The following PGM3 variants were observed in gnomAD, a reference collection of about 807,000 sequenced individuals.
PGM3 encodes phosphoacetylglucosamine mutase.
Under a neutral mutation model 66.2 loss-of-function variants are expected in PGM3, and 40 were observed. The ratio of observed to expected loss-of-function variants is 0.60; its 90% CI spans 0.47 to 0.79. The LOEUF (loss-of-function observed/expected upper bound fraction) is 0.79, where lower values mean the gene tolerates loss of function less well. Ranked by LOEUF, PGM3 falls within the 30% of genes least tolerant of loss-of-function variation. The pLI is 0.00. For synonymous variants in PGM3, 191 were observed against 224.2 expected, an observed-to-expected ratio of 0.85 and a Z score of 1.32; for missense variants, 537 against 643.4, an observed-to-expected ratio of 0.83 and a Z score of 1.79.
At chr6:83,169,520 A>G in intron 12 of PGM3, 197 bp from the exon 13 acceptor site, 1 of 590,332 alleles carries the variant, frequency 1.7e-6, no homozygotes, top group South Asian at 2.1e-5. Flanking sequence ...AACAGACCAA[A>G]TTCTTCTAAA....
chr6:83,165,782 C>G lies in PGM3; in HGVS notation c.*3452G>C. 1 of 278,844 alleles carries G rather than the reference C, an allele frequency of 3.6e-6. No individual in the cohort carries two copies. The highest frequency in any genetic ancestry group is 7.3e-6 in the Non-Finnish European group (1 of 137,708). 17.3% of individuals were successfully genotyped at this position (278,844 alleles called of 1,614,324 possible). On this transcript the variant is annotated 3_prime_UTR_variant, in exon 13 of 13. Coordinates refer to ENST00000513973, the MANE Select transcript of PGM3 (RefSeq NM_015599.3). ...GAAGCGTTGGTTGTGCAACGTGCGG[C>G]CCAGTGTTGTCGTGAAAAGAATTGG...
At position 83,179,801 on chromosome 6, in the gene PGM3, C is replaced by T; in HGVS notation, c.945+9G>A. ...TTGTTTTAGAGGGTAGCCAATCCCCCCACCATACCTCCACCAGGAGCTCTT... is the reference window on the plus strand; with the variant it reads ...TTGTTTTAGAGGGTAGCCAATCCCCTCACCATACCTCCACCAGGAGCTCTT... On this transcript the variant is annotated intron_variant, in intron 7 of 12. Coordinates refer to ENST00000513973, the MANE Select transcript of PGM3 (RefSeq NM_015599.3). The T allele has an allele frequency of 1.9e-6, 3 of 1,602,692 alleles. No individual in the cohort carries two copies. Among genetic ancestry groups the T allele is most frequent in the Non-Finnish European group, 2.6e-6 (3 of 1,173,888 alleles).
the PGM3 span, chr6:83,154,328 AG>A: frequency 5.3e-4 from 653 of 1,236,118 alleles, no homozygotes; most frequent in Non-Finnish European, 6.9e-4. Context: ...GGAGACTAGG[AG>A]ACTACTGAAT....
chr6:83,158,691 G>C, downstream of PGM3: 1 of 1,025,284 alleles, frequency 9.8e-7, no homozygotes, highest in Non-Finnish European at 1.5e-6. Flanking sequence ...ATATTACTCA[G>C]CATCTAGGAG....
chr6:83,187,138 G>T, intron 3 of PGM3, 63 bp from the exon 4 acceptor site: 2 of 983,238 alleles, frequency 2.0e-6, no homozygotes, highest in Non-Finnish European at 3.2e-6. Flanking sequence ...TGCTGGTTCT[G>T]CAAGCAAATG....
At chr6:83,159,508 C>G (rs559709828), downstream of PGM3, among the ~76,000 whole-genome samples, 1 of 151,582 alleles carries the variant, frequency 6.6e-6, no homozygotes, top group Admixed American at 6.6e-5. Flanking sequence ...CCAGGCTGGT[C>G]TCAAATTCCT....
At chr6:83,152,038 C>T in the PGM3 span, 1 of 1,613,524 alleles carries the variant, frequency 6.2e-7, no homozygotes, top group Non-Finnish European at 8.5e-7. Flanking sequence ...GTATTCTTGT[C>T]AAACATTTAG....
rs1268519797 is a variant in PGM3, at chr6:83,182,922, C to G, written c.514G>C (p.Gly172Arg). ...ATAGTTGCCTTTCCATATCGGCCAC[C>G]CGTGTTTCGACAATACACCATGTAG... is the stretch of plus-strand genomic sequence containing the variant. ...LHYMVYCRNT[G>R]GRYGKATIEG... Residue 172 changes from glycine (G) to arginine (R), a missense_variant, in exon 5 of 13, where the codon GGT becomes CGT. By Grantham distance (125) the Gly-to-Arg change is moderately radical. Coordinates refer to ENST00000513973, the MANE Select transcript of PGM3 (RefSeq NM_015599.3). The G allele has an allele frequency of 6.2e-7, 1 of 1,613,792 alleles. No individual in the cohort carries two copies. The highest frequency in any genetic ancestry group is 8.5e-7 in the Non-Finnish European group (1 of 1,179,886).
intron 5 of PGM3, 73 bp from the exon 6 acceptor site, chr6:83,182,004 ACATATGTG>A (rs1788209051): frequency 6.3e-6 from 5 of 791,878 alleles, no homozygotes; most frequent in Non-Finnish European, 9.6e-6. Flanking sequence ...AAGCATATAT[ACATATGTG>A]CATATGTAAA....
downstream of PGM3, chr6:83,162,677 A>T: frequency 8.1e-7 from 1 of 1,237,828 alleles, no homozygotes; most frequent in Non-Finnish European, 1.1e-6. Flanking sequence ...CACATCTGGC[A>T]TTTGAATTTT....
chr6:83,172,733 A>AAAAG (rs1278744805), intron 10 of PGM3, among the ~76,000 whole-genome samples: 1 of 152,204 alleles, frequency 6.6e-6, no homozygotes, highest in Non-Finnish European at 1.5e-5. Context: ...CCCCAAGGGA[A>AAAAG]AAAGACCCTC....
the PGM3 span, chr6:83,148,935 A>G: frequency 3.3e-6 from 3 of 907,696 alleles, no homozygotes; most frequent in Admixed American, 9.9e-5. Flanking sequence ...AAGTATTAGT[A>G]ATAGATATTT....
At chr6:83,150,161 GC>G in the PGM3 span, among the ~76,000 whole-genome samples, 1 of 152,148 alleles carries the variant, frequency 6.6e-6, no homozygotes. Context: ...GACTGCTTGA[GC>G]CCAGAGTTTG....
intron 8 of PGM3, among the ~76,000 whole-genome samples, chr6:83,176,867 A>T (rs565187209): frequency 6.6e-6 from 1 of 152,324 alleles, no homozygotes; most frequent in African/African-American, 2.4e-5. Flanking sequence ...GAAAATGAAA[A>T]TCCTAAAACA....
At chr6:83,184,700 CA>C (rs1788444552) in intron 4 of PGM3, among the ~76,000 whole-genome samples, 1 of 152,212 alleles carries the variant, frequency 6.6e-6, no homozygotes, top group Non-Finnish European at 1.5e-5. Context: ...ACCAATTTTT[CA>C]AGAGCGGCCT....
chr6:83,158,124 G>A (rs577384051), downstream of PGM3, among the ~76,000 whole-genome samples: 4 of 151,776 alleles, frequency 2.6e-5, no homozygotes, highest in South Asian at 2.1e-4. Context: ...TCAGCCTCCC[G>A]AGTAGCTGGG....
At chr6:83,152,418 TA>T in the PGM3 span, 1 of 850,830 alleles carries the variant, frequency 1.2e-6, no homozygotes, top group Non-Finnish European at 1.7e-6. Context: ...GTTTCATTAT[TA>T]AAAATTAGCA....
At chr6:83,158,312 T>A (rs905512075), downstream of PGM3, among the ~76,000 whole-genome samples, 4 of 152,166 alleles carry the variant, frequency 2.6e-5, no homozygotes, top group Non-Finnish European at 1.5e-5. Context: ...ATTTTTCCTT[T>A]TTTAATAACT....
At chr6:83,169,435 T>G in intron 12 of PGM3, 112 bp from the exon 13 acceptor site, 4 of 1,249,854 alleles carry the variant, frequency 3.2e-6, no homozygotes, top group Non-Finnish European at 4.4e-6. Context: ...CTTGATTTTG[T>G]TTCACTAACA....
Sources: allele counts gnomAD v4.1 joint callset (sites outside exome capture counted in the v4.1 genomes callset), GRCh38; gene constraint gnomAD v4.1.1; transcripts MANE v1.5; gene names NCBI Gene and HGNC (gene_info 2026-07-23, HGNC 2026-07-21).